The following EYS variants were observed in gnomAD, a reference collection of about 807,000 sequenced individuals.
The protein encoded by EYS is EGF-like photoreceptor maintenance factor.
A neutral mutation model predicts 282.1 loss-of-function variants in EYS; 250 were observed. The observed-to-expected ratio is 0.89, with a 90% CI of 0.80 to 0.98. EYS has a LOEUF of 0.98. Among genes scored for constraint, EYS ranks in the 50% least tolerant of loss-of-function variants. The pLI is 0.00. For synonymous variants in EYS, 1,355 were observed against 1,282.9 expected (o/e 1.06, Z -1.20); for missense variants, 4,016 against 3,709.0 (o/e 1.08, Z -2.15).
chr6:63,836,968 A>G, intron 36 of EYS, among the ~76,000 whole-genome samples: 1 of 152,050 alleles, frequency 6.6e-6, no homozygotes, highest in East Asian at 1.9e-4. Flanking sequence ...AATGAAAAGA[A>G]TATTTTTTCT....
At chr6:65,302,418 T>G in intron 11 of EYS, 1 of 639,582 alleles carries the variant, frequency 1.6e-6, no homozygotes, top group South Asian at 1.9e-5. Context: ...AGTTGTCATT[T>G]GGAAGATTAA....
In EYS at chr6:64,366,898, T is replaced by A. The variant is rs547926816; in HGVS notation, c.6078+21792A>T. ...GTTCTTTTAGTTGATTATGACAAAG[T>A]TTAGAAGGAATGAGATGTGGAAAGA... On this transcript the variant is annotated intron_variant, in intron 29 of 42. Coordinates refer to ENST00000503581, the MANE Select transcript of EYS (RefSeq NM_001142800.2). Among the ~76,000 whole-genome samples, 26 of 152,164 alleles carry A rather than the reference T, an allele frequency of 1.7e-4. 1 individual carries two copies. The highest frequency in any genetic ancestry group is 5.9e-4 in the Admixed American group (9 of 15,268).
intron 12 of EYS, among the ~76,000 whole-genome samples, chr6:65,106,968 A>T (rs1230364200): frequency 6.6e-6 from 1 of 152,068 alleles, no homozygotes; most frequent in Non-Finnish European, 1.5e-5. Context: ...CAAAATGAAC[A>T]ACTGTGGTAA....
intron 22 of EYS, among the ~76,000 whole-genome samples, chr6:64,794,758 T>C (rs1230471827): frequency 1.3e-5 from 2 of 152,174 alleles, no homozygotes; most frequent in Non-Finnish European, 2.9e-5. Flanking sequence ...TTTTATTCCT[T>C]GAAATGGGAC....
At chr6:65,031,116 T>C (rs1475425896) in intron 13 of EYS, among the ~76,000 whole-genome samples, 5 of 148,942 alleles carry the variant, frequency 3.4e-5, no homozygotes, top group Non-Finnish European at 7.4e-5. Flanking sequence ...CACACATTTA[T>C]ACATATTATA....
At chr6:65,043,278 T>C (rs1463302816) in intron 13 of EYS, among the ~76,000 whole-genome samples, 2 of 151,552 alleles carry the variant, frequency 1.3e-5, no homozygotes, top group South Asian at 2.1e-4. Context: ...AAGCAAATTT[T>C]ATAAGGGTGA....
At chr6:64,522,488 G>T (rs760725463) in intron 26 of EYS, among the ~76,000 whole-genome samples, 1 of 151,628 alleles carries the variant, frequency 6.6e-6, no homozygotes, top group Non-Finnish European at 1.5e-5. Context: ...TAGATGAAGG[G>T]AATCCTAGGT....
intron 39 of EYS, among the ~76,000 whole-genome samples, chr6:63,782,587 G>A (rs1042095769): frequency 1.3e-5 from 2 of 152,086 alleles, no homozygotes; most frequent in African/African-American, 2.4e-5. Flanking sequence ...CTGTGGGATC[G>A]GTGGTGATAT....
At position 64,308,510 on chromosome 6, in the gene EYS, C is replaced by T. The variant is rs1369018465; in HGVS notation, c.6079-1428G>A. On this transcript the variant is annotated intron_variant, in intron 29 of 42. Transcript: ENST00000503581. ...AAGCTCTTAATATTACTAAAAATTTCAAGCTTAGGTGAACCAAATTATGAC... is the reference window on the plus strand; with the variant it reads ...AAGCTCTTAATATTACTAAAAATTTTAAGCTTAGGTGAACCAAATTATGAC... Among the ~76,000 whole-genome samples the T allele has an allele frequency of 3.3e-5, 5 of 151,998 alleles. 1 individual carries two copies.
intron 26 of EYS, among the ~76,000 whole-genome samples, chr6:64,573,630 T>G (rs925588875): frequency 1.3e-5 from 2 of 152,108 alleles, no homozygotes; most frequent in Non-Finnish European, 2.9e-5. Context: ...GAGCAGACAC[T>G]TCTCAAAAGA....
chr6:64,730,909 A>G (rs1771939880), intron 22 of EYS: 1 of 152,092 alleles, frequency 6.6e-6, no homozygotes, highest in African/African-American at 2.4e-5. Flanking sequence ...AAATTCGAGG[A>G]TTCATTTGGG....
chr6:65,309,753 A>T (rs1769105328), intron 11 of EYS, among the ~76,000 whole-genome samples: 1 of 152,108 alleles, frequency 6.6e-6, no homozygotes, highest in Non-Finnish European at 1.5e-5. Context: ...TAAAAATTCT[A>T]TGGTTATCCT....
At chr6:65,085,998 C>T (rs961198186) in intron 12 of EYS, among the ~76,000 whole-genome samples, 2 of 151,334 alleles carry the variant, frequency 1.3e-5, no homozygotes, top group Admixed American at 6.6e-5. Context: ...TTCTGGAGTA[C>T]CTGGCTTAAT....
chr6:65,265,501 TG>T (rs1489414239), intron 12 of EYS, among the ~76,000 whole-genome samples: 11 of 151,996 alleles, frequency 7.2e-5, no homozygotes, highest in Non-Finnish European at 1.3e-4. Context: ...CATGTGAATA[TG>T]TCTATTATTA....
At chr6:63,843,272 C>A (rs746004821) in intron 36 of EYS, among the ~76,000 whole-genome samples, 28 of 152,074 alleles carry the variant, frequency 1.8e-4, no homozygotes, top group Non-Finnish European at 3.8e-4. Context: ...TTTGTGTCCT[C>A]TTATTTCCTT....
intron 12 of EYS, among the ~76,000 whole-genome samples, chr6:65,225,486 C>T (rs1035688840): frequency 5.2e-4 from 79 of 151,546 alleles, no homozygotes; most frequent in African/African-American, 1.7e-3. Flanking sequence ...GAGGTCGAGG[C>T]GGGCAGATCA....
At chr6:64,322,254 C>T (rs142264351) in intron 29 of EYS, among the ~76,000 whole-genome samples, 59 of 152,002 alleles carry the variant, frequency 3.9e-4, no homozygotes, top group African/African-American at 1.4e-3. Flanking sequence ...AATCTGTAAA[C>T]CTAGAGGGTT....
intron 8 of EYS, among the ~76,000 whole-genome samples, chr6:65,382,550 G>A (rs9453291): frequency 0.41 from 61,593 of 148,494 alleles, 13,750 homozygotes; most frequent in South Asian, 0.51. Flanking sequence ...GGTTCTCTAG[G>A]GGGACAGAAC....
chr6:63,956,616 A>T (rs1454187841), intron 35 of EYS, among the ~76,000 whole-genome samples: 1 of 152,144 alleles, frequency 6.6e-6, no homozygotes, highest in Non-Finnish European at 1.5e-5. Context: ...TGACAATTGG[A>T]TGTCTTTATA....
Sources: gnomAD v4.1 joint callset for allele counts (sites outside exome capture counted in the v4.1 genomes callset) on GRCh38, gnomAD v4.1.1 for gene constraint, MANE v1.5 for transcripts, NCBI Gene and HGNC (gene_info 2026-07-23, HGNC 2026-07-21) for gene names.